Variants in PDE10A observed in about 807,000 individuals in gnomAD.
The protein encoded by PDE10A is cAMP and cAMP-inhibited cGMP 3',5'-cyclic phosphodiesterase 10A.
Under a neutral mutation model 97.7 loss-of-function variants are expected in PDE10A, and 39 were observed. The ratio of observed to expected loss-of-function variants is 0.40; its 90% CI spans 0.31 to 0.52. PDE10A has a LOEUF of 0.52. Among genes scored for constraint, PDE10A ranks in the 20% least tolerant of loss-of-function variants. PDE10A has a pLI of 0.56. For synonymous variants in PDE10A, 371 were observed against 376.8 expected, an observed-to-expected ratio of 0.98 and a Z score of 0.18; for missense variants, 731 against 1,047.8, an observed-to-expected ratio of 0.70 and a Z score of 4.17.
chr6:165,830,846 A>G (rs1441686668), intron 1 of PDE10A, among the ~76,000 whole-genome samples: 2 of 152,202 alleles, frequency 1.3e-5, no homozygotes, highest in African/African-American at 2.4e-5. Flanking sequence ...GATAATTCCA[A>G]CGAAATCCAA....
intron 13 of PDE10A, among the ~76,000 whole-genome samples, chr6:165,401,226 G>T (rs1182054655): frequency 1.3e-5 from 2 of 152,106 alleles, no homozygotes; most frequent in African/African-American, 2.4e-5. Flanking sequence ...GGGTATAGAT[G>T]TCATAATTTG....
chr6:165,631,643 T>C (rs1788634972), intron 1 of PDE10A, among the ~76,000 whole-genome samples: 1 of 152,242 alleles, frequency 6.6e-6, no homozygotes, highest in African/African-American at 2.4e-5. Context: ...GTTAAATTTG[T>C]CATTGCAGAA....
intron 20 of PDE10A, among the ~76,000 whole-genome samples, chr6:165,337,301 G>A (rs1007569552): frequency 3.3e-5 from 5 of 152,252 alleles, no homozygotes; most frequent in South Asian, 2.1e-4. Context: ...CATCATGTAC[G>A]AGACAAATAG....
At chr6:165,709,093 C>T (rs1416219753) in intron 1 of PDE10A, among the ~76,000 whole-genome samples, 1 of 130,846 alleles carries the variant, frequency 7.6e-6, no homozygotes, top group Admixed American at 7.8e-5. Flanking sequence ...TCTCCACCCA[C>T]ATGCTGCCGT....
intron 1 of PDE10A, among the ~76,000 whole-genome samples, chr6:165,865,414 G>A (rs907980578): frequency 6.6e-6 from 1 of 151,972 alleles, no homozygotes; most frequent in Non-Finnish European, 1.5e-5. Context: ...ACACCACCAA[G>A]GAACATAATA....
chr6:165,848,686 C>G (rs1233791470), intron 1 of PDE10A, among the ~76,000 whole-genome samples: 1 of 152,146 alleles, frequency 6.6e-6, no homozygotes, highest in African/African-American at 2.4e-5. Flanking sequence ...GAACAATGGC[C>G]CCCCAAGGGT....
chr6:165,798,712 C>G (rs12530247), intron 1 of PDE10A, among the ~76,000 whole-genome samples: 5 of 89,432 alleles, frequency 5.6e-5, no homozygotes, highest in African/African-American at 9.1e-5. Context: ...AAACCAATCA[C>G]ACACACACAC....
chr6:165,385,890 G>A (rs528106393), intron 17 of PDE10A, among the ~76,000 whole-genome samples: 11 of 152,244 alleles, frequency 7.2e-5, no homozygotes, highest in East Asian at 3.9e-4. Context: ...ATCTGAATTC[G>A]CAGCAATCCC....
intron 1 of PDE10A, among the ~76,000 whole-genome samples, chr6:165,731,135 C>T (rs1168873902): frequency 1.3e-5 from 2 of 152,248 alleles, no homozygotes; most frequent in African/African-American, 2.4e-5. Flanking sequence ...CCAGAACTGC[C>T]GGAGCTCCCT....
In PDE10A at chr6:165,701,392, C is replaced by T. The variant is rs77071162; in HGVS notation, c.-614-157824G>A. On this transcript the variant is annotated intron_variant, in intron 1 of 19. Coordinates refer to the PDE10A transcript ENST00000366882. ...TTTATGATTTTTCAAGAGAATGCTG[C>T]ACATGCTAGCCACTCAGTAGCACAT... 5.5e-3 allele frequency among the ~76,000 whole-genome samples: 839 copies of T among 152,334 alleles called. 12 individuals are homozygous for T. The highest frequency in any genetic ancestry group is 0.016 in the Admixed American group (247 of 15,304).
intron 1 of PDE10A, among the ~76,000 whole-genome samples, chr6:165,710,138 G>A (rs989486299): frequency 4.6e-5 from 7 of 152,052 alleles, no homozygotes; most frequent in East Asian, 1.9e-4. Context: ...TAACAGCGCC[G>A]CCACTCTGAG....
At chr6:165,683,167 G>A (rs1205025923) in intron 1 of PDE10A, among the ~76,000 whole-genome samples, 4 of 152,186 alleles carry the variant, frequency 2.6e-5, no homozygotes, top group Non-Finnish European at 2.9e-5. Context: ...TTCAAAGGCT[G>A]AGTTCTCTGA....
intron 8 of PDE10A, among the ~76,000 whole-genome samples, chr6:165,431,170 T>C (rs1179129222): frequency 6.6e-6 from 1 of 151,774 alleles, no homozygotes; most frequent in Non-Finnish European, 1.5e-5. Flanking sequence ...ATTTATTGCA[T>C]TAATTATATA....
intron 1 of PDE10A, among the ~76,000 whole-genome samples, chr6:165,883,594 G>A (rs1781548590): frequency 1.3e-5 from 2 of 152,066 alleles, no homozygotes; most frequent in Non-Finnish European, 2.9e-5. Flanking sequence ...CCAAAGAAGG[G>A]TGAGGGGATT....
chr6:165,826,934 G>A (rs761735436), intron 1 of PDE10A, among the ~76,000 whole-genome samples: 3 of 151,892 alleles, frequency 2.0e-5, no homozygotes, highest in African/African-American at 4.8e-5. Context: ...AGCCCAGGGG[G>A]AAGGGGCAGG....
intron 9 of PDE10A, 43 bp from the exon 10 acceptor site, chr6:165,428,752 TC>T: frequency 1.3e-6 from 1 of 759,888 alleles, no homozygotes; most frequent in Non-Finnish European, 2.3e-6. Context: ...TTTCATTAGT[TC>T]ACAGTACATA....
At chr6:165,854,179 G>T (rs924310295) in intron 1 of PDE10A, among the ~76,000 whole-genome samples, 1 of 152,226 alleles carries the variant, frequency 6.6e-6, no homozygotes, top group African/African-American at 2.4e-5. Context: ...GGGCGCACCG[G>T]CGGACGGTGA....
At chr6:165,866,750 A>G (rs1164558497) in intron 1 of PDE10A, among the ~76,000 whole-genome samples, 1 of 151,968 alleles carries the variant, frequency 6.6e-6, no homozygotes, top group African/African-American at 2.4e-5. Flanking sequence ...TTCTCACCAG[A>G]AATCTAACAG....
At chr6:165,501,471 G>A (rs1055284330) in intron 2 of PDE10A, among the ~76,000 whole-genome samples, 1 of 152,120 alleles carries the variant, frequency 6.6e-6, no homozygotes. Context: ...TACTCGGGAG[G>A]CTGAGGCAGG....
Sources: allele counts gnomAD v4.1 joint callset (sites outside exome capture counted in the v4.1 genomes callset), GRCh38; gene constraint gnomAD v4.1.1; transcripts MANE v1.5; gene names NCBI Gene and HGNC (gene_info 2026-07-23, HGNC 2026-07-21).